Variants in DCC observed in about 807,000 individuals in gnomAD.
The protein encoded by DCC is netrin receptor DCC.
A neutral mutation model predicts 172.5 loss-of-function variants in DCC; 58 were observed. The ratio of observed to expected loss-of-function variants is 0.34; its 90% CI spans 0.27 to 0.42. The LOEUF (loss-of-function observed/expected upper bound fraction) is 0.42, where lower values mean the gene tolerates loss of function less well. DCC is among the 10% of genes least tolerant of loss of function. The pLI is 1.00. For missense variants in DCC, 1,740 were observed against 1,791.0 expected, an observed-to-expected ratio of 0.97 and a Z score of 0.51; for synonymous variants, 709 against 644.5, an observed-to-expected ratio of 1.10 and a Z score of -1.52.
At chr18:53,112,089 T>TA (rs34715252) in intron 7 of DCC, among the ~76,000 whole-genome samples, 11,217 of 149,684 alleles carry the variant, frequency 0.075, 482 homozygotes, top group African/African-American at 0.12. Context: ...ACTACAGGGG[T>TA]AAAAAAAAAC....
chr18:53,233,080 A>C (rs73957115), intron 12 of DCC, among the ~76,000 whole-genome samples: 6,322 of 152,148 alleles, frequency 0.042, 405 homozygotes, highest in African/African-American at 0.14. Context: ...CATTTATCTC[A>C]TATAGTCCTG....
chr18:53,352,201 T>C (rs968759003), intron 15 of DCC, among the ~76,000 whole-genome samples: 3 of 152,074 alleles, frequency 2.0e-5, no homozygotes, highest in Non-Finnish European at 4.4e-5. Flanking sequence ...GGACACAGCC[T>C]AAAGTTTCTG....
intron 5 of DCC, 48 bp from the exon 6 acceptor site, chr18:53,063,257 G>T (rs376145674): frequency 6.3e-7 from 1 of 1,595,032 alleles, no homozygotes; most frequent in Non-Finnish European, 8.6e-7. Flanking sequence ...CAGCATGCAA[G>T]TTCACATCCC....
At chr18:53,020,594 T>C (rs765970189) in intron 5 of DCC, among the ~76,000 whole-genome samples, 1 of 152,182 alleles carries the variant, frequency 6.6e-6, no homozygotes, top group Non-Finnish European at 1.5e-5. Context: ...CTAGTGTACA[T>C]GTAAAAGTCA....
At chr18:53,070,837 T>C (rs1300509609) in intron 7 of DCC, among the ~76,000 whole-genome samples, 1 of 152,224 alleles carries the variant, frequency 6.6e-6, no homozygotes, top group Non-Finnish European at 1.5e-5. Flanking sequence ...TGCTTTTTCC[T>C]GGCTATTTAA....
chr18:52,826,631 A>G (rs2038515478), intron 2 of DCC, among the ~76,000 whole-genome samples: 1 of 152,080 alleles, frequency 6.6e-6, no homozygotes, highest in Non-Finnish European at 1.5e-5. Context: ...TGCGTGAGCC[A>G]CCACACTCAG....
intron 5 of DCC, among the ~76,000 whole-genome samples, chr18:52,926,539 T>C (rs1044759360): frequency 2.6e-4 from 39 of 151,748 alleles, no homozygotes; most frequent in Non-Finnish European, 4.3e-4. Context: ...ATTTGTAGTA[T>C]CAAAATTCAG....
chr18:53,171,755 C>T (rs1040795625), intron 8 of DCC, among the ~76,000 whole-genome samples: 2 of 151,724 alleles, frequency 1.3e-5, no homozygotes, highest in South Asian at 2.1e-4. Context: ...CACATACAAA[C>T]AGCAAACATA....
intron 1 of DCC, among the ~76,000 whole-genome samples, chr18:52,587,946 G>A (rs2033714315): frequency 6.6e-6 from 1 of 152,154 alleles, no homozygotes; most frequent in African/African-American, 2.4e-5. Context: ...GTGTCTTCAG[G>A]AACTGCTCGA....
chr18:52,995,378 C>G (rs1307661377), intron 5 of DCC, among the ~76,000 whole-genome samples: 1 of 152,056 alleles, frequency 6.6e-6, no homozygotes, highest in Non-Finnish European at 1.5e-5. Context: ...ACTAGCAGCC[C>G]CATAATCTTG....
At chr18:53,329,807 A>C (rs1244593395) in intron 14 of DCC, among the ~76,000 whole-genome samples, 1 of 152,200 alleles carries the variant, frequency 6.6e-6, no homozygotes, top group African/African-American at 2.4e-5. Flanking sequence ...AAGGATAATA[A>C]AAACGTTTAC....
intron 2 of DCC, among the ~76,000 whole-genome samples, chr18:52,784,696 C>T (rs2037619227): frequency 6.6e-6 from 1 of 151,814 alleles, no homozygotes; most frequent in African/African-American, 2.4e-5. Context: ...TATGTTTTGG[C>T]CATTTGTATG....
intron 7 of DCC, among the ~76,000 whole-genome samples, chr18:53,136,128 A>T (rs2043736700): frequency 6.6e-6 from 1 of 152,022 alleles, no homozygotes; most frequent in Admixed American, 6.6e-5. Flanking sequence ...TGTAAAAAAA[A>T]AATTGGATGT....
intron 14 of DCC, among the ~76,000 whole-genome samples, chr18:53,330,353 T>C (rs1332694416): frequency 6.6e-6 from 1 of 152,084 alleles, no homozygotes; most frequent in Admixed American, 6.6e-5. Context: ...TCCATTTCAC[T>C]CCCTGTCAAT....
chr18:52,618,545 C>T (rs746160824), intron 1 of DCC, among the ~76,000 whole-genome samples: 1 of 152,146 alleles, frequency 6.6e-6, no homozygotes, highest in Non-Finnish European at 1.5e-5. Flanking sequence ...CTTTTATTCA[C>T]TTACTGGGTC....
At chr18:53,469,540 T>G (rs544403632) in intron 25 of DCC, among the ~76,000 whole-genome samples, 1 of 152,174 alleles carries the variant, frequency 6.6e-6, no homozygotes. Flanking sequence ...GGTATCCTTG[T>G]CCTTCCATCA....
At chr18:53,196,107 T>C (rs2055439325) in intron 9 of DCC, among the ~76,000 whole-genome samples, 1 of 152,168 alleles carries the variant, frequency 6.6e-6, no homozygotes, top group Non-Finnish European at 1.5e-5. Context: ...TGATTAGGTG[T>C]ATATGACATC....
At chr18:53,048,945 C>A (rs1285854271) in intron 5 of DCC, among the ~76,000 whole-genome samples, 1 of 151,980 alleles carries the variant, frequency 6.6e-6, no homozygotes, top group African/African-American at 2.4e-5. Context: ...TGATATTGAG[C>A]ATTTTTTCAT....
intron 11 of DCC, among the ~76,000 whole-genome samples, chr18:53,212,081 C>G (rs145076886): frequency 6.6e-6 from 1 of 152,172 alleles, no homozygotes; most frequent in Admixed American, 6.6e-5. Context: ...TCTATAAATT[C>G]TGTGTACATG....
Sources: allele counts gnomAD v4.1 joint callset (sites outside exome capture counted in the v4.1 genomes callset), GRCh38; gene constraint gnomAD v4.1.1; transcripts MANE v1.5; gene names NCBI Gene and HGNC (gene_info 2026-07-23, HGNC 2026-07-21).